The following NIM1K variants were observed in gnomAD, a reference collection of about 807,000 sequenced individuals.
NIM1K encodes the protein NIM1 serine/threonine protein kinase, also known as serine/threonine-protein kinase NIM1.
In NIM1K, 35 loss-of-function variants were observed where a neutral mutation model predicts 37.1. That is an observed-to-expected ratio of 0.94 (90% CI 0.72 to 1.25). The LOEUF (loss-of-function observed/expected upper bound fraction) is 1.25. NIM1K is among the 50% of genes most tolerant of loss of function. The pLI, the probability that NIM1K is intolerant of heterozygous loss-of-function variation, is 0.00. For missense variants in NIM1K, 564 were observed against 548.0 expected, an observed-to-expected ratio of 1.03 and a Z score of -0.29; for synonymous variants, 234 against 206.6, an observed-to-expected ratio of 1.13 and a Z score of -1.14.
At chr5:43,262,329 C>G (rs1382284037) in intron 2 of NIM1K, among the ~76,000 whole-genome samples, 2 of 152,118 alleles carry the variant, frequency 1.3e-5, no homozygotes, top group Non-Finnish European at 2.9e-5. Context: ...CTTCACATCC[C>G]TTGTAAGTTG....
At chr5:43,268,648 T>A (rs1206597432) in intron 2 of NIM1K, among the ~76,000 whole-genome samples, 2 of 152,226 alleles carry the variant, frequency 1.3e-5, no homozygotes, top group Non-Finnish European at 2.9e-5. Context: ...TGCATATCTG[T>A]GACCTCTGGA....
chr5:43,242,419 G>A (rs1752716448), intron 1 of NIM1K, among the ~76,000 whole-genome samples: 1 of 151,666 alleles, frequency 6.6e-6, no homozygotes, highest in South Asian at 2.1e-4. Context: ...GAGGCCTGGT[G>A]CCTGTGGGGA....
chr5:43,273,207 T>C (rs1753284048), intron 2 of NIM1K, among the ~76,000 whole-genome samples: 1 of 151,752 alleles, frequency 6.6e-6, no homozygotes, highest in Non-Finnish European at 1.5e-5. Context: ...GTGCTTTTTT[T>C]TTTTTCTTTT....
intron 2 of NIM1K, among the ~76,000 whole-genome samples, chr5:43,253,141 C>A (rs1195522866): frequency 6.9e-6 from 1 of 144,116 alleles, no homozygotes; most frequent in Non-Finnish European, 1.5e-5. Flanking sequence ...CCATGACTGG[C>A]CTTCATTCCT....
intron 3 of NIM1K, among the ~76,000 whole-genome samples, chr5:43,277,815 T>A (rs57857611): frequency 0.067 from 8,570 of 128,666 alleles, 593 homozygotes; most frequent in African/African-American, 0.17. Flanking sequence ...TGTGTGTGTG[T>A]GAGAGAGAGA....
At position 43,277,287 on chromosome 5, in the gene NIM1K, C is replaced by A. The variant is rs1321254792; in HGVS notation, c.523C>A (p.Leu175Ile). 1.2e-6 allele frequency: 2 copies of A among 1,614,058 alleles called. No individual in the cohort carries two copies. Among genetic ancestry groups the A allele is most frequent in the Non-Finnish European group, 1.7e-6 (2 of 1,179,994 alleles). The change falls in exon 3 of 4, where the codon CTC (leucine) becomes ATC (isoleucine). Residue 175 changes from leucine (L) to isoleucine (I), a missense_variant. Transcript: ENST00000326035. Reference protein sequence around the residue: ...EGKLSEPESKLIFSQIVSAVK... With the variant: ...EGKLSEPESKIIFSQIVSAVK... ...GAAGCTCTCTGAACCAGAAAGCAAG[C>A]TCATCTTCTCCCAGATTGTGTCTGC...
chr5:43,229,592 G>A (rs1253715356), intron 1 of NIM1K, among the ~76,000 whole-genome samples: 2 of 151,144 alleles, frequency 1.3e-5, no homozygotes, highest in African/African-American at 4.9e-5. Flanking sequence ...ACATATTCAT[G>A]AATATCAACC....
chr5:43,201,138 A>C lies in NIM1K; in HGVS notation c.-695+8727A>C, dbSNP rs1752014005. ...AGACAACATCTCAAAAAAAAAAAAA[A>C]AAAATTCATGCCTGTAATCCCAGCA... is the stretch of plus-strand genomic sequence containing the variant. On this transcript the variant is annotated intron_variant, in intron 1 of 3. Coordinates refer to ENST00000326035, the MANE Select transcript of NIM1K (RefSeq NM_153361.4). Among the ~76,000 whole-genome samples, 3 of 149,744 alleles carry C rather than the reference A, an allele frequency of 2.0e-5. No individual in the cohort carries two copies. The South Asian group carries it at 6.4e-4, about 32-fold the overall frequency.
intron 1 of NIM1K, chr5:43,232,278 C>A: frequency 8.9e-7 from 1 of 1,126,870 alleles, no homozygotes; most frequent in East Asian, 2.6e-5. Flanking sequence ...ATCTGGTTGG[C>A]AGGCTGAAAG....
intron 1 of NIM1K, among the ~76,000 whole-genome samples, chr5:43,213,210 T>A (rs796304291): frequency 2.1e-5 from 1 of 47,250 alleles, no homozygotes; most frequent in Non-Finnish European, 5.2e-5. Context: ...TCTTTCTTTC[T>A]TTCTTTCTTT....
intron 2 of NIM1K, among the ~76,000 whole-genome samples, chr5:43,252,359 C>A (rs903542041): frequency 6.6e-6 from 1 of 152,074 alleles, no homozygotes; most frequent in Non-Finnish European, 1.5e-5. Flanking sequence ...AACAGTCTCA[C>A]CCGCTGGTTC....
chr5:43,275,660 G>A (rs927315475), intron 2 of NIM1K, among the ~76,000 whole-genome samples: 1 of 152,134 alleles, frequency 6.6e-6, no homozygotes, highest in Non-Finnish European at 1.5e-5. Context: ...TGGGAATGGG[G>A]CAAGAGAGGG....
chr5:43,255,300 A>G (rs763570459), intron 2 of NIM1K, among the ~76,000 whole-genome samples: 35 of 152,232 alleles, frequency 2.3e-4, no homozygotes, highest in Non-Finnish European at 3.1e-4. Context: ...TTGAGCACCT[A>G]CTATGCAATA....
intron 1 of NIM1K, among the ~76,000 whole-genome samples, chr5:43,222,871 T>C (rs1661259450): frequency 6.6e-6 from 1 of 152,186 alleles, no homozygotes; most frequent in Non-Finnish European, 1.5e-5. Context: ...CTGGGCACAG[T>C]GGCTCACGCC....
chr5:43,221,006 T>C (rs1231018675), intron 1 of NIM1K, among the ~76,000 whole-genome samples: 2 of 152,138 alleles, frequency 1.3e-5, no homozygotes, highest in African/African-American at 2.4e-5. Flanking sequence ...TGCCACATAT[T>C]GGTGCTCTCT....
intron 1 of NIM1K, among the ~76,000 whole-genome samples, chr5:43,221,858 C>T (rs1176020180): frequency 6.6e-6 from 1 of 152,232 alleles, no homozygotes; most frequent in East Asian, 1.9e-4. Context: ...AAGCAGGCAG[C>T]TTTAGGCTAA....
chr5:43,233,312 TA>T (rs548135228), intron 1 of NIM1K: 890 of 301,970 alleles, frequency 2.9e-3, no homozygotes, highest in Middle Eastern at 3.9e-3. Flanking sequence ...GAGTGACACT[TA>T]AAAAAAAAAA....
In NIM1K at chr5:43,213,184, TC is replaced by T. The variant is rs1561074688; in HGVS notation, c.-695+20774del. ...TTCTTTTTTTCTTTCTTTCTTTCTT[TC>T]TTTCTTTCTTTCTTTCTTTCTTTCT... On this transcript the variant is annotated intron_variant, in intron 1 of 3. Coordinates refer to ENST00000326035, the MANE Select transcript of NIM1K (RefSeq NM_153361.4). Among the ~76,000 whole-genome samples, 533 of 77,792 alleles carry T rather than the reference TC, an allele frequency of 6.9e-3. 15 individuals are homozygous for T. The highest frequency in any genetic ancestry group is 0.012 in the Middle Eastern group (2 of 164). 51.0% of individuals were successfully genotyped at this position (77,792 alleles called of 152,430 possible).
chr5:43,265,322 A>T (rs1178057537), intron 2 of NIM1K, among the ~76,000 whole-genome samples: 1 of 150,940 alleles, frequency 6.6e-6, no homozygotes, highest in African/African-American at 2.4e-5. Context: ...ATTTCTTTTT[A>T]CTCTTTTTTC....
Sources: allele counts gnomAD v4.1 joint callset (sites outside exome capture counted in the v4.1 genomes callset), GRCh38; gene constraint gnomAD v4.1.1; transcripts MANE v1.5; gene names NCBI Gene and HGNC (gene_info 2026-07-23, HGNC 2026-07-21).